Variants in SH3GLB2 observed in about 807,000 individuals in gnomAD.
The protein encoded by SH3GLB2 is endophilin-B2.
A neutral mutation model predicts 48.0 loss-of-function variants in SH3GLB2; 24 were observed. That is an observed-to-expected ratio of 0.50 (90% CI 0.36 to 0.70). SH3GLB2 has a LOEUF of 0.70. SH3GLB2 is among the 30% of genes least tolerant of loss of function. SH3GLB2 has a pLI of 0.00. For synonymous variants in SH3GLB2, 227 were observed against 207.6 expected (o/e 1.09, Z -0.80); for missense variants, 425 against 516.0 (o/e 0.82, Z 1.71).
intron 1 of SH3GLB2, among the ~76,000 whole-genome samples, chr9:129,023,833 C>T (rs375554248): frequency 1.3e-5 from 2 of 152,192 alleles, no homozygotes; most frequent in East Asian, 1.9e-4. Context: ...CTCCCTCCCC[C>T]ACCCTGGCTG....
chr9:129,025,320 TG>T (rs1337109177), intron 1 of SH3GLB2, among the ~76,000 whole-genome samples: 1 of 150,860 alleles, frequency 6.6e-6, no homozygotes, highest in Non-Finnish European at 1.5e-5. Flanking sequence ...ATCAGCACTT[TG>T]GGAGGCCGAG....
chr9:129,025,459 G>C (rs571397239), intron 1 of SH3GLB2, among the ~76,000 whole-genome samples: 1 of 151,676 alleles, frequency 6.6e-6, no homozygotes, highest in African/African-American at 2.4e-5. Context: ...CCAGTTACTC[G>C]GGAGGCTGAG....
rs1843174176 is a variant in SH3GLB2 at position 129,012,312 on chromosome 9, G to A, written c.562-14C>T. 1 of 1,292,110 alleles carries A rather than the reference G, an allele frequency of 7.7e-7. No homozygotes were observed. 80.0% of individuals were successfully genotyped at this position (1,292,110 alleles called of 1,614,324 possible). On this transcript the variant is annotated splice_polypyrimidine_tract_variant and intron_variant, in intron 5 of 10. Transcript: ENST00000372564. ...GTCAGGCACCGTCTGGCGGGGAACA[G>A]AGTTCATGTGGGGAGGGGGTCACCC... is the stretch of plus-strand genomic sequence containing the variant.
At chr9:129,022,522 G>T in intron 1 of SH3GLB2, 99 bp from the exon 2 acceptor site, 1 of 1,130,650 alleles carries the variant, frequency 8.8e-7, no homozygotes, top group Non-Finnish European at 1.3e-6. Context: ...CCACCAGCAG[G>T]AACCCAGGCA....
intron 9 of SH3GLB2, 181 bp downstream of exon 9, chr9:129,009,588 CCG>C: frequency 6.6e-7 from 1 of 1,521,008 alleles, no homozygotes. Context: ...GGGGACTTGG[CCG>C]TCAGTAAGGC....
At chr9:129,012,191 G>C (rs1843163073) in intron 6 of SH3GLB2, 45 bp downstream of exon 6, 1 of 1,177,584 alleles carries the variant, frequency 8.5e-7, no homozygotes, top group Middle Eastern at 2.6e-4. Context: ...TGGGACGTGG[G>C]GAGAGAGGAG....
At position 129,008,671 on chromosome 9, in the gene SH3GLB2, T is replaced by G; in HGVS notation, c.*13A>C. 6.2e-7 allele frequency: 1 copy of G among 1,607,132 alleles called. No homozygotes were observed. Among genetic ancestry groups the G allele is most frequent in the South Asian group, 1.1e-5 (1 of 90,892 alleles). On this transcript the variant is annotated 3_prime_UTR_variant, in exon 11 of 11. Transcript: ENST00000372564. ...TGCCTAGGCCAGAATGCGGGGGGGA[T>G]GGGGGCACCTGCCTAGCTGAGCAGT...
In SH3GLB2 at chr9:129,014,717, T is replaced by G. The variant is rs1227395206; in HGVS notation, c.468+54A>C. The G allele has an allele frequency of 5.0e-6, 8 of 1,587,320 alleles. No homozygotes were observed. Among genetic ancestry groups the G allele is most frequent in the Non-Finnish European group, 6.9e-6 (8 of 1,167,580 alleles). ...GAAGAGAGCCTGTACTCAAAGGCTC[T>G]GAGGAGGGAACTGCCATGGTTACCA... On this transcript the variant is annotated intron_variant, in intron 4 of 10. Transcript: ENST00000372564. This position sits in a 1 kb window ranked among gnomAD's most constrained non-coding sequence, Gnocchi z 4.1.
intron 5 of SH3GLB2, 130 bp from the exon 6 acceptor site, chr9:129,012,428 A>C: frequency 2.1e-6 from 1 of 472,464 alleles, no homozygotes. Flanking sequence ...CGGGGATACA[A>C]ACACAACACA....
In SH3GLB2 at chr9:129,007,848, A is replaced by C. The variant is rs1842851571; in HGVS notation, c.*836T>G. On this transcript the variant is annotated 3_prime_UTR_variant, in exon 11 of 11. Transcript: ENST00000372564. ...TCCTTGTGCGGCTTCATGTCCAGGA[A>C]CAGCACTGCCCTCTGAGAGGCACAG... 1 of 152,222 alleles carries C rather than the reference A, an allele frequency of 6.6e-6. No individual in the cohort carries two copies. Among genetic ancestry groups the C allele is most frequent in the Admixed American group, 6.5e-5 (1 of 15,276 alleles). The allele number at this position is 152,222 out of a possible 1,614,324, so 9.4% of individuals were successfully genotyped here. A position where few individuals can be genotyped will look rare whatever the true frequency, so the allele number is the denominator to read the frequency against.
chr9:129,019,672 G>T (rs554756401), intron 3 of SH3GLB2, among the ~76,000 whole-genome samples: 22 of 140,540 alleles, frequency 1.6e-4, no homozygotes, highest in Non-Finnish European at 2.8e-4. Context: ...TTGCGCCACC[G>T]CACTCCAGCC....
Position 129,022,373 on chromosome 9 carries a change from G to A in SH3GLB2, c.114C>T (p.His38=), listed in dbSNP as rs759178745. 18 of 1,614,108 alleles carry A rather than the reference G, an allele frequency of 1.1e-5. 1 individual carries two copies. In the South Asian group the frequency reaches 1.8e-4, roughly 16 times the overall value. ...GQAEKTELDA[H]FENLLARADS... ...CTGCCCGGGCCAGAAGGTTTTCAAA[G>A]TGGGCATCAAGCTCAGTCTTCTCAG... Residue 38 remains histidine (H), a synonymous_variant, in exon 2 of 11, where the codon CAC becomes CAT. Coordinates refer to ENST00000372564, the MANE Select transcript of SH3GLB2 (RefSeq NM_020145.4).
In SH3GLB2 at chr9:129,022,286, GTTGGGC is replaced by G. The variant is rs1564585148; in HGVS notation, c.195_200del (p.Gln65_Asn67delinsHis). 6.2e-7 allele frequency: 1 copy of G among 1,613,698 alleles called. No individual in the cohort carries two copies. Among genetic ancestry groups the G allele is most frequent in the Non-Finnish European group, 8.5e-7 (1 of 1,179,992 alleles). The stretch of plus-strand genomic sequence containing the variant: ...GGCCCACGAACACGCACTCACTGGG[GTTGGGC>G]TGCAGCAGCACCTCTGTCTGCCTCA... On this transcript the variant is annotated inframe_deletion, in exon 2 of 11. Transcript: ENST00000372564.
At chr9:129,013,063 A>C (rs1203186501) in intron 5 of SH3GLB2, 1 of 1,550,630 alleles carries the variant, frequency 6.4e-7, no homozygotes, top group Non-Finnish European at 8.7e-7. Context: ...AACAAAAACA[A>C]AGAGTTAGTG....
At chr9:129,009,053 A>C in intron 10 of SH3GLB2, 53 bp downstream of exon 10, 1 of 1,598,582 alleles carries the variant, frequency 6.3e-7, no homozygotes, top group South Asian at 1.1e-5. Context: ...CCCAGTGCCC[A>C]GGCTGCTCCT....
chr9:129,011,965 C>T lies in SH3GLB2; in HGVS notation c.624+271G>A. On this transcript the variant is annotated intron_variant, in intron 6 of 10. Transcript: ENST00000372564. This position sits in a 1 kb window ranked among gnomAD's most constrained non-coding sequence, Gnocchi z 4.5. The stretch of plus-strand genomic sequence containing the variant: ...GGGACAGCTGCCGCCCTGAGTTCTC[C>T]ACACTACTCAGTGTGGCTGGCCCTG... The T allele has an allele frequency of 2.7e-6, 1 of 375,090 alleles. No individual in the cohort carries two copies. Among genetic ancestry groups the T allele is most frequent in the East Asian group, 3.8e-5 (1 of 26,112 alleles). The allele number at this position is 375,090 out of a possible 1,614,324, so 23.2% of individuals were successfully genotyped here. A position where few individuals can be genotyped will look rare whatever the true frequency, so the allele number is the denominator to read the frequency against.
At chr9:129,009,579 G>A (rs1023982178) in intron 9 of SH3GLB2, 192 bp downstream of exon 9, 78 of 1,535,460 alleles carry the variant, frequency 5.1e-5, no homozygotes, top group Non-Finnish European at 6.6e-5. Context: ...GGGGCTCCAG[G>A]GGACTTGGCC....
At chr9:129,025,200 G>A (rs962325257) in intron 1 of SH3GLB2, among the ~76,000 whole-genome samples, 4 of 146,094 alleles carry the variant, frequency 2.7e-5, no homozygotes, top group East Asian at 2.0e-4. Flanking sequence ...TGCTTGAACC[G>A]GGGAGGCGGA....
Position 129,022,480 on chromosome 9 carries a change from G to A in SH3GLB2, c.64-57C>T, listed in dbSNP as rs773017096. On this transcript the variant is annotated intron_variant, in intron 1 of 10. Transcript: ENST00000372564. ...GGGGGAGAGCTCAGAAGGAGGTGGG[G>A]GAGTGGTGGGGAAAGGGAGGACTGC... is the stretch of plus-strand genomic sequence containing the variant. The A allele has an allele frequency of 1.5e-4, 227 of 1,489,422 alleles. 1 individual carries two copies. Among genetic ancestry groups the A allele is most frequent in the Non-Finnish European group, 2.0e-4 (219 of 1,086,662 alleles). 92.3% of individuals were successfully genotyped at this position (1,489,422 alleles called of 1,614,324 possible).
Sources: gnomAD v4.1 joint callset for allele counts (sites outside exome capture counted in the v4.1 genomes callset) on GRCh38, gnomAD v4.1.1 for gene constraint, Gnocchi (gnomAD v3.1) non-coding constraint, MANE v1.5 for transcripts, NCBI Gene and HGNC (gene_info 2026-07-23, HGNC 2026-07-21) for gene names.